The following RASA3 variants were observed in gnomAD, a reference collection of about 807,000 sequenced individuals.
RASA3 encodes RAS p21 protein activator 3.
In RASA3, 73 loss-of-function variants were observed where a neutral mutation model predicts 110.0. The ratio of observed to expected loss-of-function variants is 0.66; its 90% CI spans 0.55 to 0.81. The LOEUF (loss-of-function observed/expected upper bound fraction) is 0.81, where lower values mean the gene tolerates loss of function less well. RASA3 is among the 30% of genes least tolerant of loss of function. The pLI is 0.00. For synonymous variants in RASA3, 500 were observed against 451.4 expected (o/e 1.11, Z -1.37); for missense variants, 976 against 1,113.2 (o/e 0.88, Z 1.75).
At position 114,017,252 on chromosome 13, in the gene RASA3, C is replaced by G; in HGVS notation, c.1191G>C (p.Lys397Asn). 6.2e-7 allele frequency: 1 copy of G among 1,613,614 alleles called. No individual in the cohort carries two copies. Reference sequence around the variant, plus strand: ...CCGTGCTCACCTCCTCGATGGCGGGCTTCAGGGTGACATGCAGGTAATGCA... The same window carrying G: ...CCGTGCTCACCTCCTCGATGGCGGGGTTCAGGGTGACATGCAGGTAATGCA... ...AGMHYLHVTLKPAIEEICQSH... is the reference protein window; with the variant it reads ...AGMHYLHVTLNPAIEEICQSH... The change falls in exon 12 of 24, where the codon AAG (lysine) becomes AAC (asparagine). Residue 397 changes from lysine to asparagine, a missense_variant. Lys to Asn is a moderately conservative substitution (Grantham distance 94). Coordinates refer to ENST00000334062, the MANE Select transcript of RASA3 (RefSeq NM_007368.4).
chr13:114,091,404 C>A (rs1228533035), intron 1 of RASA3, among the ~76,000 whole-genome samples: 1 of 151,816 alleles, frequency 6.6e-6, no homozygotes, highest in Non-Finnish European at 1.5e-5. Context: ...TATACCCAAT[C>A]TGTTGAGTTT....
chr13:114,098,269 C>T (rs1384222206), intron 1 of RASA3, among the ~76,000 whole-genome samples: 1 of 152,162 alleles, frequency 6.6e-6, no homozygotes, highest in Admixed American at 6.5e-5. Context: ...GAGGCCATGC[C>T]CTCTACCCTG....
At chr13:114,117,697 TGA>T (rs1435687065) in intron 1 of RASA3, among the ~76,000 whole-genome samples, 4 of 115,334 alleles carry the variant, frequency 3.5e-5, no homozygotes, top group Non-Finnish European at 6.9e-5. Context: ...TGCATGTGTG[TGA>T]GGGGTGCACG....
intron 1 of RASA3, among the ~76,000 whole-genome samples, chr13:114,091,814 A>G (rs961552739): frequency 6.6e-6 from 1 of 152,030 alleles, no homozygotes; most frequent in Non-Finnish European, 1.5e-5. Flanking sequence ...TGAATGATCC[A>G]TCAGGGCCTG....
At chr13:114,001,489 G>C (rs9562123) in intron 18 of RASA3, among the ~76,000 whole-genome samples, 89,831 of 135,206 alleles carry the variant, frequency 0.66, 29,946 homozygotes, top group African/African-American at 0.84. Context: ...GGACCTACAG[G>C]CGCGGGCTCG....
chr13:114,000,170 G>A (rs2053361346), intron 19 of RASA3, among the ~76,000 whole-genome samples: 1 of 144,752 alleles, frequency 6.9e-6, no homozygotes, highest in South Asian at 2.3e-4. Flanking sequence ...TCTGCTGGGG[G>A]TCTCTGCCAG....
chr13:114,049,545 G>A (rs1295448610), intron 3 of RASA3, among the ~76,000 whole-genome samples: 1 of 152,130 alleles, frequency 6.6e-6, no homozygotes, highest in East Asian at 1.9e-4. Context: ...TTTTTCCTTA[G>A]GGTTGTCGCT....
At chr13:114,044,522 T>C in intron 3 of RASA3, among the ~76,000 whole-genome samples, 1 of 47,866 alleles carries the variant, frequency 2.1e-5, no homozygotes, top group Non-Finnish European at 3.9e-5. Context: ...CCCCGCCGCC[T>C]CACTCGCTGA....
chr13:114,034,358 AG>A (rs2054240069), intron 4 of RASA3, among the ~76,000 whole-genome samples: 1 of 152,250 alleles, frequency 6.6e-6, no homozygotes, highest in South Asian at 2.1e-4. Flanking sequence ...CGGGAGCTTC[AG>A]GAAGAGTCAC....
intron 13 of RASA3, among the ~76,000 whole-genome samples, 190 bp from the exon 14 acceptor site, chr13:114,015,522 A>C (rs1382537339): frequency 6.6e-6 from 1 of 152,220 alleles, no homozygotes; most frequent in East Asian, 1.9e-4. Context: ...TTCACGCGTG[A>C]AAATCACTAC....
At chr13:114,127,140 C>T (rs780952831) in intron 1 of RASA3, among the ~76,000 whole-genome samples, 14 of 152,262 alleles carry the variant, frequency 9.2e-5, no homozygotes, top group Admixed American at 2.6e-4. Context: ...CTCAGGGAGA[C>T]GCCGCTCATC....
chr13:114,022,320 C>T (rs1478935140), intron 8 of RASA3, among the ~76,000 whole-genome samples: 9 of 152,298 alleles, frequency 5.9e-5, no homozygotes, highest in South Asian at 2.1e-4. Context: ...ACAGCATCCC[C>T]GGCTGCAACA....
At chr13:114,049,049 C>T (rs1451233513) in intron 3 of RASA3, among the ~76,000 whole-genome samples, 1 of 151,682 alleles carries the variant, frequency 6.6e-6, no homozygotes. Context: ...TAGGAATGCA[C>T]CCCCACTTCC....
intron 1 of RASA3, among the ~76,000 whole-genome samples, chr13:114,080,927 T>C (rs1333977435): frequency 6.1e-5 from 9 of 147,414 alleles, no homozygotes; most frequent in Non-Finnish European, 7.5e-5. Context: ...GCCGTCCACC[T>C]AGAACACCAA....
At chr13:114,080,665 G>GGCTGAAACAGGGGTCTCCCCCAGGGGCC (rs2079768957) in intron 1 of RASA3, among the ~76,000 whole-genome samples, 10 of 38,100 alleles carry the variant, frequency 2.6e-4, no homozygotes, top group Admixed American at 2.4e-3. Flanking sequence ...CCCCGACAAC[G>GGCTGAAACAGGGGTCTCCCCCAGGGGCC]GCTGAAACAG....
At chr13:114,049,812 G>A (rs2079113454) in intron 3 of RASA3, among the ~76,000 whole-genome samples, 3 of 152,260 alleles carry the variant, frequency 2.0e-5, no homozygotes, top group African/African-American at 7.2e-5. Context: ...GGCCTGCCCT[G>A]CAGGACCATG....
chr13:114,117,893 C>CATCT, intron 1 of RASA3, among the ~76,000 whole-genome samples: 1 of 143,976 alleles, frequency 6.9e-6, no homozygotes, highest in East Asian at 2.1e-4. Context: ...GAGGGGTGCA[C>CATCT]GTGTGTGAGG....
At chr13:114,040,054 G>GTT (rs1465037099) in intron 4 of RASA3, among the ~76,000 whole-genome samples, 1 of 152,244 alleles carries the variant, frequency 6.6e-6, no homozygotes, top group Non-Finnish European at 1.5e-5. Context: ...CCCCACCCAT[G>GTT]TTTTCTCTTG....
At chr13:114,078,354 T>C (rs748088115) in intron 1 of RASA3, among the ~76,000 whole-genome samples, 1 of 152,252 alleles carries the variant, frequency 6.6e-6, no homozygotes, top group Non-Finnish European at 1.5e-5. Flanking sequence ...GAGACGTTCA[T>C]ATAAAAAGAC....
Sources: gnomAD v4.1 joint callset for allele counts (sites outside exome capture counted in the v4.1 genomes callset) on GRCh38, gnomAD v4.1.1 for gene constraint, MANE v1.5 for transcripts, NCBI Gene and HGNC (gene_info 2026-07-23, HGNC 2026-07-21) for gene names.